Variants in ADGRF5 observed in about 807,000 individuals in gnomAD.
ADGRF5 encodes the protein G-protein coupled receptor 116.
A neutral mutation model predicts 132.3 loss-of-function variants in ADGRF5; 75 were observed. That is an observed-to-expected ratio of 0.57 (90% CI 0.47 to 0.69). The LOEUF (loss-of-function observed/expected upper bound fraction) is 0.69. Ranked by LOEUF, ADGRF5 falls within the 30% of genes least tolerant of loss-of-function variation. The probability of loss-of-function intolerance (pLI) is 0.00; values close to 1 mark genes in which losing one functional copy is unlikely to be tolerated. For missense variants in ADGRF5, 1,516 were observed against 1,630.6 expected (o/e 0.93, Z 1.21); for synonymous variants, 629 against 597.6 (o/e 1.05, Z -0.77).
rs1408461844 is a variant in ADGRF5 at position 46,953,649 on chromosome 6, G to GTATATA, written c.-25+1084_-25+1085insTATATA. Among the ~76,000 whole-genome samples, 230 of 91,446 alleles carry GTATATA rather than the reference G, an allele frequency of 2.5e-3. 17 individuals carry two copies. Among genetic ancestry groups the GTATATA allele is most frequent in the African/African-American group, 9.2e-3 (200 of 21,776 alleles). 60.0% of individuals were successfully genotyped at this position (91,446 alleles called of 152,430 possible). A position where few individuals can be genotyped will look rare whatever the true frequency, so the allele number is the denominator to read the frequency against. On this transcript the variant is annotated intron_variant, in intron 1 of 20. Coordinates refer to the ADGRF5 transcript ENST00000265417. ...AAAAATTATATATATATAGATATATGTGTATATATATATATATATATATAT... is the reference window on the plus strand; with the variant it reads ...AAAAATTATATATATATAGATATATGTATATATGTATATATATATATATATATATAT...
chr6:46,919,544 G>T (rs1195857654), intron 1 of ADGRF5, among the ~76,000 whole-genome samples: 1 of 152,192 alleles, frequency 6.6e-6, no homozygotes, highest in Non-Finnish European at 1.5e-5. Context: ...GCTCCAAAAT[G>T]CCCCCAAGTA....
intron 20 of ADGRF5, among the ~76,000 whole-genome samples, chr6:46,855,007 T>G (rs933616299): frequency 3.9e-5 from 6 of 152,216 alleles, no homozygotes; most frequent in Admixed American, 3.3e-4. Flanking sequence ...CAACTCTGCA[T>G]TTGTGAGATC....
intron 1 of ADGRF5, among the ~76,000 whole-genome samples, chr6:46,949,802 T>C (rs1347111495): frequency 6.6e-6 from 1 of 152,200 alleles, no homozygotes; most frequent in East Asian, 1.9e-4. Context: ...CAAATAGGAA[T>C]GTGTTTGCAG....
In ADGRF5 at chr6:46,858,579, G is replaced by C; in HGVS notation, c.3324C>G (p.Gly1108=). ...AAACCAGGCGATAGAACAGCATGAG[G>C]CCCAGTGTCAGCATCCAGAAGAAGA... ...LSVFFWMLTL[G]LMLFYRLVFI... is the part of the protein sequence containing the mutation. The change falls in exon 17 of 21, where the codon GGC becomes GGG. Residue 1108 remains glycine, a synonymous_variant. Transcript: ENST00000283296. 6.2e-7 allele frequency: 1 copy of C among 1,613,978 alleles called. No homozygotes were observed. The highest frequency in any genetic ancestry group is 1.7e-5 in the Admixed American group (1 of 60,000).
chr6:46,901,075 AGGGGGCATCAAGATGCTCT>A (rs1161823672), intron 2 of ADGRF5, among the ~76,000 whole-genome samples: 1 of 152,168 alleles, frequency 6.6e-6, no homozygotes, highest in African/African-American at 2.4e-5. Context: ...CTATTCAGGG[AGGGGGCATCAAGATGCTCT>A]GGGGGCATCA....
chr6:46,953,259 T>C (rs1297975176), intron 1 of ADGRF5, among the ~76,000 whole-genome samples: 3 of 152,160 alleles, frequency 2.0e-5, no homozygotes, highest in Non-Finnish European at 4.4e-5. Context: ...TCCCAACTGA[T>C]GCCTGATGCA....
chr6:46,866,859 A>C, intron 13 of ADGRF5, 66 bp downstream of exon 13: 3 of 933,580 alleles, frequency 3.2e-6, no homozygotes, highest in Non-Finnish European at 1.7e-6. Flanking sequence ...CTATTTTAAG[A>C]CTAAATTTTT....
At chr6:46,889,264 GACT>G (rs1479577694) in intron 3 of ADGRF5, among the ~76,000 whole-genome samples, 3 of 144,696 alleles carry the variant, frequency 2.1e-5, no homozygotes, top group Middle Eastern at 6.9e-3. Context: ...TATATATATA[GACT>G]ACTATATATA....
intron 1 of ADGRF5, among the ~76,000 whole-genome samples, chr6:46,950,502 T>G (rs985365644): frequency 1.3e-5 from 2 of 152,080 alleles, no homozygotes; most frequent in Non-Finnish European, 2.9e-5. Context: ...AGACCTGGTG[T>G]TTTTTGTTTT....
intron 15 of ADGRF5, among the ~76,000 whole-genome samples, chr6:46,862,431 G>C (rs573154977): frequency 6.6e-6 from 1 of 152,260 alleles, no homozygotes; most frequent in Non-Finnish European, 1.5e-5. Context: ...CTTCCAAGTA[G>C]TCAGAAAATT....
At chr6:46,921,533 A>G (rs1369798448) in intron 1 of ADGRF5, among the ~76,000 whole-genome samples, 180 bp downstream of exon 1, 1 of 152,202 alleles carries the variant, frequency 6.6e-6, no homozygotes, top group Non-Finnish European at 1.5e-5. Context: ...CAGTATGCAC[A>G]ATGCTCTTGA....
intron 3 of ADGRF5, among the ~76,000 whole-genome samples, chr6:46,897,145 T>TATAC (rs1554206284): frequency 0.11 from 15,655 of 141,584 alleles, 1,013 homozygotes; most frequent in African/African-American, 0.2. Context: ...TGCATATATA[T>TATAC]ACACACACAC....
At chr6:46,912,335 A>T (rs1400584939) in intron 1 of ADGRF5, among the ~76,000 whole-genome samples, 3 of 152,162 alleles carry the variant, frequency 2.0e-5, no homozygotes, top group Admixed American at 1.3e-4. Context: ...GCTAAAAACA[A>T]CAGGGGAGTT....
chr6:46,875,579 C>T (rs1771563243), intron 10 of ADGRF5, among the ~76,000 whole-genome samples: 1 of 152,158 alleles, frequency 6.6e-6, no homozygotes, highest in South Asian at 2.1e-4. Context: ...GGGTTCGAGA[C>T]CAGCCTGACC....
chr6:46,933,133 A>T (rs1777645354), intron 1 of ADGRF5, among the ~76,000 whole-genome samples: 2 of 152,190 alleles, frequency 1.3e-5, no homozygotes, highest in African/African-American at 2.4e-5. Context: ...GTGCCTCTTA[A>T]AAGCATAGAG....
At chr6:46,893,522 C>A (rs1344567986) in intron 3 of ADGRF5, among the ~76,000 whole-genome samples, 1 of 152,066 alleles carries the variant, frequency 6.6e-6, no homozygotes. Context: ...AAATGCCAAA[C>A]CCACCTGTCC....
At chr6:46,925,409 A>T (rs72859820), upstream of ADGRF5, among the ~76,000 whole-genome samples, 2,634 of 152,260 alleles carry the variant, frequency 0.017, 24 homozygotes, top group Non-Finnish European at 0.026. Context: ...CTGGTACACT[A>T]TAATACACTT....
At chr6:46,857,455 C>T (rs940453986) in intron 17 of ADGRF5, among the ~76,000 whole-genome samples, 2 of 152,176 alleles carry the variant, frequency 1.3e-5, no homozygotes, top group African/African-American at 4.8e-5. Flanking sequence ...CTTACCACCT[C>T]TCCATTGGGT....
At chr6:46,948,917 A>C (rs181227049) in intron 1 of ADGRF5, among the ~76,000 whole-genome samples, 6 of 152,292 alleles carry the variant, frequency 3.9e-5, no homozygotes, top group Admixed American at 3.3e-4. Flanking sequence ...TTTGTGCTAC[A>C]ACAATGGGCG....
Sources: gnomAD v4.1 joint callset for allele counts (sites outside exome capture counted in the v4.1 genomes callset) on GRCh38, gnomAD v4.1.1 for gene constraint, MANE v1.5 for transcripts, NCBI Gene and HGNC (gene_info 2026-07-23, HGNC 2026-07-21) for gene names.